The following CCL16 variants were observed in gnomAD, a reference collection of about 807,000 sequenced individuals.
The protein encoded by CCL16 is C-C motif chemokine 16.
In CCL16, 6 loss-of-function variants were observed where a neutral mutation model predicts 7.5. The observed-to-expected ratio is 0.80, with a 90% CI of 0.44 to 1.57. The LOEUF is 1.57. Ranked by LOEUF, CCL16 falls within the 40% of genes most tolerant of loss-of-function variation. CCL16 has a pLI of 0.01. For synonymous variants in CCL16, 60 were observed against 57.7 expected (o/e 1.04, Z -0.18); for missense variants, 134 against 142.9 (o/e 0.94, Z 0.32).
At chr17:35,978,387 A>C in intron 1 of CCL16, 124 bp from the exon 2 acceptor site, 5 of 1,274,302 alleles carry the variant, frequency 3.9e-6, no homozygotes, top group South Asian at 1.3e-5. Context: ...GAGGAGACCA[A>C]TGATAGCTTG....
intron 2 of CCL16, 89 bp downstream of exon 2, chr17:35,978,054 G>C: frequency 6.4e-7 from 1 of 1,555,224 alleles, no homozygotes. Flanking sequence ...ACTGCTTCTA[G>C]CATGGAGACC....
intron 1 of CCL16, 98 bp downstream of exon 1, chr17:35,981,247 A>G (rs974401977): frequency 6.7e-6 from 5 of 749,460 alleles, no homozygotes; most frequent in African/African-American, 1.7e-5. Context: ...ACAGGGTCTT[A>G]TGAGGCCAGA....
chr17:35,980,047 G>A (rs181340530), intron 1 of CCL16, among the ~76,000 whole-genome samples: 133 of 152,220 alleles, frequency 8.7e-4, no homozygotes, highest in African/African-American at 2.4e-3. Context: ...AAAGAGCACT[G>A]TTCCCCCCTC....
chr17:35,981,188 A>G (rs2089678193), intron 1 of CCL16, among the ~76,000 whole-genome samples, 157 bp downstream of exon 1: 1 of 152,060 alleles, frequency 6.6e-6, no homozygotes, highest in African/African-American at 2.4e-5. Context: ...TCTACTTACA[A>G]AGGGGAGAAT....
chr17:35,980,737 A>T (rs771633091), intron 1 of CCL16, among the ~76,000 whole-genome samples: 2 of 151,988 alleles, frequency 1.3e-5, no homozygotes. Flanking sequence ...ACAGCTCCAA[A>T]ACCTTTCAAC....
chr17:35,978,135 G>C lies in CCL16; in HGVS notation c.197+8C>G, dbSNP rs748995993. The C allele has an allele frequency of 1.2e-6, 2 of 1,614,174 alleles. No homozygotes were observed. Among genetic ancestry groups the C allele is most frequent in the Non-Finnish European group, 1.7e-6 (2 of 1,180,008 alleles). On this transcript the variant is annotated splice_region_variant and intron_variant, in intron 2 of 2. Coordinates refer to ENST00000611905, the MANE Select transcript of CCL16 (RefSeq NM_004590.4). ...TCTCCACAGAAATATCTAAAAGGACGTGCTTACATGATTGCTGGCAGGTGA... is the reference window on the plus strand; with the variant it reads ...TCTCCACAGAAATATCTAAAAGGACCTGCTTACATGATTGCTGGCAGGTGA...
intron 1 of CCL16, among the ~76,000 whole-genome samples, chr17:35,979,972 T>G (rs1294667287): frequency 6.6e-6 from 1 of 152,176 alleles, no homozygotes; most frequent in Non-Finnish European, 1.5e-5. Context: ...TGATCCATGC[T>G]TTGGGTGGGC....
Position 35,977,529 on chromosome 17 carries a change from T to A in CCL16, c.*37A>T. ...CCCTGTTTTCATAGGTTTACCCCTC[T>A]CTTCTGTAAACAAGGGCTTCCACTA... is the stretch of plus-strand genomic sequence containing the variant. On this transcript the variant is annotated 3_prime_UTR_variant, in exon 3 of 3. Transcript: ENST00000611905. The A allele has an allele frequency of 6.3e-7, 1 of 1,599,940 alleles. No homozygotes were observed. Among genetic ancestry groups the A allele is most frequent in the Non-Finnish European group, 8.5e-7 (1 of 1,171,500 alleles).
chr17:35,978,154 C>A lies in CCL16; in HGVS notation c.186G>T (p.Leu62=), dbSNP rs2089654121. Residue 62 remains leucine, a synonymous_variant, in exon 2 of 3, where the codon CTG becomes CTT. Transcript: ENST00000611905. ...VGYRKALNCH[L]PAIIFVTKRN... ...AAGGACGTGCTTACATGATTGCTGG[C>A]AGGTGACAGTTGAGGGCCTTTCTGT... The A allele has an allele frequency of 6.2e-7, 1 of 1,614,180 alleles. No homozygotes were observed. The highest frequency in any genetic ancestry group is 8.5e-7 in the Non-Finnish European group (1 of 1,180,020).
In CCL16 at chr17:35,977,342, A is replaced by T. The variant is rs974825986; in HGVS notation, c.*224T>A. On this transcript the variant is annotated 3_prime_UTR_variant, in exon 3 of 3. Transcript: ENST00000611905. ...AGTAAGACCCTATCTCAAAAAAATAAAAATATAAATATAAAAATAAAAGAG... is the reference window on the plus strand; with the variant it reads ...AGTAAGACCCTATCTCAAAAAAATATAAATATAAATATAAAAATAAAAGAG... 13 of 324,910 alleles carry T rather than the reference A, an allele frequency of 4.0e-5. No homozygotes were observed. Among genetic ancestry groups the T allele is most frequent in the South Asian group, 1.3e-4 (1 of 7,702 alleles). The allele number at this position is 324,910 out of a possible 1,614,324, so 20.1% of individuals were successfully genotyped here.
intron 1 of CCL16, 124 bp from the exon 2 acceptor site, chr17:35,978,387 A>G (rs1343272540): frequency 2.9e-5 from 37 of 1,274,182 alleles, no homozygotes; most frequent in Non-Finnish European, 3.6e-5. Context: ...GAGGAGACCA[A>G]TGATAGCTTG....
At chr17:35,979,403 G>A (rs1041969226) in intron 1 of CCL16, among the ~76,000 whole-genome samples, 6 of 152,170 alleles carry the variant, frequency 3.9e-5, no homozygotes, top group African/African-American at 1.2e-4. Context: ...TGAGAGAGTA[G>A]AGCCTTTAGA....
At chr17:35,978,604 T>C (rs2089658397) in intron 1 of CCL16, among the ~76,000 whole-genome samples, 1 of 151,810 alleles carries the variant, frequency 6.6e-6, no homozygotes, top group Non-Finnish European at 1.5e-5. Context: ...TCTATGGGGG[T>C]AAAAACATGA....
At chr17:35,978,121 A>T in intron 2 of CCL16, 22 bp downstream of exon 2, 1 of 1,614,144 alleles carries the variant, frequency 6.2e-7, no homozygotes, top group Non-Finnish European at 8.5e-7. Context: ...CTCCACAGAA[A>T]TATCTAAAAG....
intron 1 of CCL16, 85 bp downstream of exon 1, chr17:35,981,260 C>T: frequency 1.1e-6 from 1 of 889,810 alleles, no homozygotes; most frequent in Non-Finnish European, 1.8e-6. Flanking sequence ...AGGCCAGAGA[C>T]CCGACAGCGC....
At chr17:35,978,331 TC>T in intron 1 of CCL16, 68 bp from the exon 2 acceptor site, 2 of 1,606,126 alleles carry the variant, frequency 1.2e-6, no homozygotes, top group Non-Finnish European at 1.7e-6. Flanking sequence ...CACCTCTGTC[TC>T]CCACCATTTG....
intron 2 of CCL16, among the ~76,000 whole-genome samples, chr17:35,977,942 C>G (rs184475007): frequency 1.0e-3 from 153 of 152,300 alleles, no homozygotes; most frequent in African/African-American, 3.4e-3. Context: ...CCTAGACCCT[C>G]AAGCTTGGGT....
chr17:35,977,759 G>A (rs200446584), intron 2 of CCL16, 28 bp from the exon 3 acceptor site: 2 of 1,606,788 alleles, frequency 1.2e-6, no homozygotes, highest in African/African-American at 2.7e-5. Context: ...GACCGTCATG[G>A]GCTGCAGACT....
At chr17:35,980,498 G>A (rs534180502) in intron 1 of CCL16, 2 of 172,904 alleles carry the variant, frequency 1.2e-5, no homozygotes, top group South Asian at 2.6e-4. Flanking sequence ...TCCAACCTGG[G>A]CAACAAGAGC....
Sources: allele counts gnomAD v4.1 joint callset (sites outside exome capture counted in the v4.1 genomes callset), GRCh38; gene constraint gnomAD v4.1.1; transcripts MANE v1.5; gene names NCBI Gene and HGNC (gene_info 2026-07-23, HGNC 2026-07-21).